PCDH11X: variants seen among roughly 807,000 people sequenced by gnomAD.
PCDH11X encodes the protein protocadherin-11 X-linked.
Under a neutral mutation model 53.3 loss-of-function variants are expected in PCDH11X, and 18 were observed. The observed-to-expected ratio is 0.34, with a 90% confidence interval of 0.23 to 0.50. PCDH11X has a LOEUF of 0.50. PCDH11X is among the 20% of genes least tolerant of loss of function. The pLI is 0.98. For synonymous variants in PCDH11X, 279 were observed against 393.3 expected (o/e 0.71, Z 3.44); for missense variants, 570 against 1,032.4 (o/e 0.55, Z 6.14).
At chrX:92,257,312 A>T (rs183669577) in intron 7 of PCDH11X, among the ~76,000 whole-genome samples, 1 of 111,288 alleles carries the variant, frequency 9.0e-6, no homozygotes, top group Non-Finnish European at 1.9e-5. Context: ...TGGGGATTAC[A>T]TTTAGACATG....
At chrX:92,257,862 G>A (rs1393555954) in intron 7 of PCDH11X, among the ~76,000 whole-genome samples, 2 of 111,813 alleles carry the variant, frequency 1.8e-5, no homozygotes, top group African/African-American at 6.5e-5. Context: ...CAAGCTGTTG[G>A]TGGATCTACC....
At position 91,840,253 on chromosome X, in the gene PCDH11X, A is replaced by G. The variant is rs1269311023; in HGVS notation, c.540+4209A>G. ...TTTCCATCTTCCCTGGCATATATCAACAGTCACATTTCTGTACTAGCCCAG... is the reference window on the plus strand; with the variant it reads ...TTTCCATCTTCCCTGGCATATATCAGCAGTCACATTTCTGTACTAGCCCAG... On this transcript the variant is annotated intron_variant, in intron 5 of 10. Coordinates refer to ENST00000682573, the MANE Select transcript of PCDH11X (RefSeq NM_032968.5). Among the ~76,000 whole-genome samples, 7 of 111,628 alleles carry G rather than the reference A, an allele frequency of 6.3e-5. No homozygotes were observed. The East Asian group carries it at 1.1e-3, about 18-fold the overall frequency.
At chrX:92,599,186 A>G (rs1194208704) in intron 10 of PCDH11X, among the ~76,000 whole-genome samples, 1 of 111,826 alleles carries the variant, frequency 8.9e-6, no homozygotes, top group East Asian at 2.8e-4. Flanking sequence ...AAATAACTAA[A>G]AGAATATAAT....
chrX:91,933,461 C>T (rs1391929861), intron 6 of PCDH11X, among the ~76,000 whole-genome samples: 1 of 110,785 alleles, frequency 9.0e-6, no homozygotes, highest in Non-Finnish European at 1.9e-5. Flanking sequence ...ACTCAAATAC[C>T]TACAATGCAT....
intron 6 of PCDH11X, among the ~76,000 whole-genome samples, chrX:92,143,822 T>C (rs1418321490): frequency 9.0e-6 from 1 of 111,414 alleles, no homozygotes; most frequent in Non-Finnish European, 1.9e-5. Context: ...GCTTGCACCC[T>C]GCGCCTGGAA....
chrX:92,491,028 TTGTCTTGTGGTC>T (rs1411165665), intron 10 of PCDH11X, among the ~76,000 whole-genome samples: 1 of 109,596 alleles, frequency 9.1e-6, no homozygotes, highest in East Asian at 2.9e-4. Context: ...CTTGTTAAGC[TTGTCTTGTGGTC>T]TGTTTTGTGA....
intron 8 of PCDH11X, among the ~76,000 whole-genome samples, chrX:92,373,972 C>G (rs1302487624): frequency 9.0e-6 from 1 of 110,724 alleles, no homozygotes; most frequent in Non-Finnish European, 1.9e-5. Context: ...CACCGCAACT[C>G]CTGTGGCAAT....
intron 6 of PCDH11X, among the ~76,000 whole-genome samples, chrX:92,170,433 G>T (rs1293046316): frequency 1.8e-5 from 2 of 110,355 alleles, no homozygotes; most frequent in Non-Finnish European, 3.8e-5. Context: ...AAAAAAATTG[G>T]AAAAGAATGA....
intron 6 of PCDH11X, among the ~76,000 whole-genome samples, chrX:92,038,931 A>C (rs1490237552): frequency 2.7e-5 from 3 of 111,101 alleles, no homozygotes; most frequent in Non-Finnish European, 5.7e-5. Flanking sequence ...CTAGAACTGT[A>C]AATCCAATAA....
At chrX:91,846,895 G>C (rs1937702288) in intron 5 of PCDH11X, among the ~76,000 whole-genome samples, 1 of 111,497 alleles carries the variant, frequency 9.0e-6, no homozygotes, top group Non-Finnish European at 1.9e-5. Context: ...ATAACTCTAT[G>C]CTTTCCTACA....
At chrX:92,588,905 A>G (rs1924707612) in intron 10 of PCDH11X, among the ~76,000 whole-genome samples, 1 of 110,935 alleles carries the variant, frequency 9.0e-6, no homozygotes, top group Admixed American at 9.7e-5. Context: ...GACTAAAAAA[A>G]GATCCTAAAA....
intron 6 of PCDH11X, among the ~76,000 whole-genome samples, chrX:92,069,901 C>A (rs549500787): frequency 3.3e-4 from 37 of 110,693 alleles, no homozygotes; most frequent in Non-Finnish European, 7.0e-4. Flanking sequence ...AGGCTGATCT[C>A]AAACTCCTGA....
chrX:92,183,609 A>G (rs1438102757), intron 6 of PCDH11X, among the ~76,000 whole-genome samples: 1 of 112,219 alleles, frequency 8.9e-6, no homozygotes, highest in Non-Finnish European at 1.9e-5. Flanking sequence ...ATGTTTTGCC[A>G]TCTCAGAGTA....
In PCDH11X at chrX:91,911,593, TC is replaced by T. The variant is rs371604215; in HGVS notation, c.3033+32324del. ...ACTATATTTTTGTGTCCATTAATCA[TC>T]CCCACTTACCCTCCTCTCCCCAACT... On this transcript the variant is annotated intron_variant, in intron 6 of 10. Coordinates refer to ENST00000682573, the MANE Select transcript of PCDH11X (RefSeq NM_032968.5). Among the ~76,000 whole-genome samples the T allele has an allele frequency of 5.9e-3, 647 of 109,736 alleles. 4 individuals carry two copies. Among genetic ancestry groups the T allele is most frequent in the African/African-American group, 0.02 (602 of 30,263 alleles).
intron 10 of PCDH11X, among the ~76,000 whole-genome samples, chrX:92,609,744 T>A (rs1333838272): frequency 4.5e-5 from 5 of 110,767 alleles, no homozygotes; most frequent in Non-Finnish European, 9.5e-5. Context: ...GTTCAACCCT[T>A]TCTCCCCTCT....
chrX:92,326,622 C>CTATATATATATATATATATATAAAA (rs1160866218), intron 8 of PCDH11X, among the ~76,000 whole-genome samples: 1 of 45,810 alleles, frequency 2.2e-5, no homozygotes, highest in Non-Finnish European at 3.3e-5. Flanking sequence ...TTTTAATAAA[C>CTATATATATATATATATATATAAAA]TATATATATA....
chrX:92,154,583 TC>T (rs1029475998), intron 6 of PCDH11X, among the ~76,000 whole-genome samples: 4 of 107,761 alleles, frequency 3.7e-5, no homozygotes, highest in Non-Finnish European at 5.7e-5. Flanking sequence ...CATGCCTCCA[TC>T]CTGGGCCTAT....
intron 10 of PCDH11X, among the ~76,000 whole-genome samples, chrX:92,490,394 G>A (rs1271654034): frequency 1.8e-5 from 2 of 111,266 alleles, no homozygotes; most frequent in African/African-American, 6.5e-5. Context: ...TGCATTTATT[G>A]TGATGAAGCT....
intron 8 of PCDH11X, among the ~76,000 whole-genome samples, chrX:92,284,627 C>T (rs1379153540): frequency 3.6e-5 from 4 of 112,175 alleles, no homozygotes; most frequent in Admixed American, 9.5e-5. Context: ...ATTTTTGCTG[C>T]GAGGCAAGCC....
Sources: gnomAD v4.1 joint callset for allele counts (sites outside exome capture counted in the v4.1 genomes callset) on GRCh38, gnomAD v4.1.1 for gene constraint, MANE v1.5 for transcripts, NCBI Gene and HGNC (gene_info 2026-07-23, HGNC 2026-07-21) for gene names.